Variants in TBC1D30 observed in about 807,000 individuals in gnomAD.
TBC1D30 encodes TBC1 domain family member 30.
Under a neutral mutation model 63.2 loss-of-function variants are expected in TBC1D30, and 31 were observed. The ratio of observed to expected loss-of-function variants is 0.49; its 90% CI spans 0.37 to 0.66. The LOEUF (loss-of-function observed/expected upper bound fraction) is 0.66, where lower values mean the gene tolerates loss of function less well. Among genes scored for constraint, TBC1D30 ranks in the 30% least tolerant of loss-of-function variants. The pLI, the probability that TBC1D30 is intolerant of heterozygous loss-of-function variation, is 0.00. For synonymous variants in TBC1D30, 307 were observed against 361.5 expected, an observed-to-expected ratio of 0.85 and a Z score of 1.71; for missense variants, 810 against 953.6, an observed-to-expected ratio of 0.85 and a Z score of 1.98.
At chr12:64,838,977 C>T (rs1381111264) in intron 7 of TBC1D30, 126 bp downstream of exon 7, 3 of 954,062 alleles carry the variant, frequency 3.1e-6, no homozygotes, top group Non-Finnish European at 4.5e-6. Context: ...ATTGCTTTAG[C>T]CTCCTGAAAT....
chr12:64,776,991 GA>G (rs1256132955), upstream of TBC1D30, among the ~76,000 whole-genome samples: 2 of 152,136 alleles, frequency 1.3e-5, no homozygotes, highest in African/African-American at 4.8e-5. Context: ...CACATAAACA[GA>G]ACTAAAGGCA....
intron 8 of TBC1D30, among the ~76,000 whole-genome samples, chr12:64,850,669 G>T (rs1876787508): frequency 6.6e-6 from 1 of 152,118 alleles, no homozygotes; most frequent in Non-Finnish European, 1.5e-5. Context: ...TGCTGGATTT[G>T]GTTTGCCAGT....
chr12:64,849,110 T>C (rs1463364022), intron 8 of TBC1D30, among the ~76,000 whole-genome samples: 1 of 152,224 alleles, frequency 6.6e-6, no homozygotes, highest in African/African-American at 2.4e-5. Flanking sequence ...TTGCCCACTT[T>C]TTGATGGGTT....
At chr12:64,769,089 T>C (rs1870813644) in intron 1 of TBC1D30, among the ~76,000 whole-genome samples, 1 of 152,076 alleles carries the variant, frequency 6.6e-6, no homozygotes, top group Non-Finnish European at 1.5e-5. Context: ...GCCCAGGAGG[T>C]TGAGGCTTCA....
At chr12:64,856,629 C>A (rs887790887) in intron 8 of TBC1D30, among the ~76,000 whole-genome samples, 5 of 152,204 alleles carry the variant, frequency 3.3e-5, no homozygotes, top group African/African-American at 4.8e-5. Flanking sequence ...TGGGTCAGAC[C>A]TGAAGTTAGC....
chr12:64,781,640 C>T (rs939259709), intron 1 of TBC1D30, among the ~76,000 whole-genome samples: 7 of 151,636 alleles, frequency 4.6e-5, no homozygotes, highest in East Asian at 3.9e-4. Context: ...TATACCTGAC[C>T]TACCTAGAGG....
chr12:64,766,859 G>A (rs1296362578), intron 1 of TBC1D30, among the ~76,000 whole-genome samples: 1 of 152,124 alleles, frequency 6.6e-6, no homozygotes, highest in Non-Finnish European at 1.5e-5. Flanking sequence ...TCTCACCACA[G>A]TGAAATAAAA....
chr12:64,863,255 A>G (rs1877944779), intron 8 of TBC1D30, among the ~76,000 whole-genome samples: 1 of 152,186 alleles, frequency 6.6e-6, no homozygotes, highest in Non-Finnish European at 1.5e-5. Context: ...TCTTATTCCC[A>G]TCTCTCCTCT....
intron 2 of TBC1D30, among the ~76,000 whole-genome samples, chr12:64,800,185 C>A (rs191518749): frequency 6.6e-6 from 1 of 152,186 alleles, no homozygotes; most frequent in African/African-American, 2.4e-5. Context: ...ACATTCCATG[C>A]AGAGATAAGG....
intron 2 of TBC1D30, among the ~76,000 whole-genome samples, chr12:64,819,406 CTTTTTTT>C (rs55757950): frequency 0.038 from 2,936 of 78,082 alleles, 45 homozygotes; most frequent in Non-Finnish European, 0.054. Flanking sequence ...GAAGGAACTA[CTTTTTTT>C]TTTTTTTTTT....
intron 2 of TBC1D30, among the ~76,000 whole-genome samples, chr12:64,819,190 T>A (rs1399648434): frequency 1.3e-5 from 2 of 152,146 alleles, no homozygotes; most frequent in Non-Finnish European, 2.9e-5. Context: ...ATGCCTGTAT[T>A]TAAATAGAGA....
chr12:64,818,012 G>A (rs1188643655), intron 2 of TBC1D30, among the ~76,000 whole-genome samples: 9 of 148,440 alleles, frequency 6.1e-5, no homozygotes, highest in South Asian at 2.1e-4. Flanking sequence ...GCAGTGAGCC[G>A]ACATCCCTCC....
chr12:64,838,883 T>C, intron 7 of TBC1D30, 32 bp downstream of exon 7: 1 of 1,530,394 alleles, frequency 6.5e-7, no homozygotes, highest in Non-Finnish European at 8.7e-7. Flanking sequence ...CTCTGTTCTG[T>C]GATGTTGAGG....
At chr12:64,768,571 A>T (rs912814523) in intron 1 of TBC1D30, 1 of 152,160 alleles carries the variant, frequency 6.6e-6, no homozygotes, top group African/African-American at 2.4e-5. Context: ...ACCTGGCCTC[A>T]AGTGATTCTC....
rs1315947430 is a variant in TBC1D30 at position 64,875,231 on chromosome 12, C to A, written c.1729C>A (p.Pro577Thr). 1 of 1,536,320 alleles carries A rather than the reference C, an allele frequency of 6.5e-7. No individual in the cohort carries two copies. Among genetic ancestry groups the A allele is most frequent in the Non-Finnish European group, 8.7e-7 (1 of 1,146,918 alleles). ...THIRVHKKNM[P>T]RTKSHPGCGD... Reference sequence around the variant, plus strand: ...CATCCGAGTCCACAAAAAGAACATGCCAAGGACCAAGAGTCATCCGGGCTG... The same window carrying A: ...CATCCGAGTCCACAAAAAGAACATGACAAGGACCAAGAGTCATCCGGGCTG... Residue 577 changes from proline to threonine, a missense_variant, in exon 12 of 12, where the codon CCA becomes ACA. Transcript: ENST00000539867.
chr12:64,868,695 T>A, intron 10 of TBC1D30: 1 of 246,940 alleles, frequency 4.0e-6, no homozygotes, highest in Non-Finnish European at 8.0e-6. Flanking sequence ...TTCGACACCC[T>A]CCATGGTTCC....
intron 11 of TBC1D30, 87 bp from the exon 12 acceptor site, chr12:64,874,914 C>T (rs1035796360): frequency 1.6e-6 from 2 of 1,278,530 alleles, no homozygotes; most frequent in African/African-American, 3.0e-5. Context: ...GTAGACGGGG[C>T]TGGGAGGACC....
chr12:64,827,796 T>G, intron 1 of TBC1D30, 39 bp from the exon 2 acceptor site: 1 of 1,356,376 alleles, frequency 7.4e-7, no homozygotes, highest in Non-Finnish European at 1.0e-6. Flanking sequence ...CTTGTTATAG[T>G]CTCCAAAAAT....
At chr12:64,837,327 T>C (rs1565668301) in intron 6 of TBC1D30, among the ~76,000 whole-genome samples, 2 of 152,234 alleles carry the variant, frequency 1.3e-5, no homozygotes, top group East Asian at 3.9e-4. Flanking sequence ...ATTTCTATTA[T>C]TATTACATTG....
Sources: allele counts gnomAD v4.1 joint callset (sites outside exome capture counted in the v4.1 genomes callset), GRCh38; gene constraint gnomAD v4.1.1; transcripts MANE v1.5; gene names NCBI Gene and HGNC (gene_info 2026-07-23, HGNC 2026-07-21).